LINGO2: variants seen among roughly 807,000 people sequenced by gnomAD.
The protein encoded by LINGO2 is leucine rich repeat and Ig domain containing 2.
LINGO2 carries 14 observed loss-of-function variants against 30.6 expected under a neutral mutation model. That is an observed-to-expected ratio of 0.46 (90% CI 0.30 to 0.72). The LOEUF (loss-of-function observed/expected upper bound fraction) is 0.72. Ranked by LOEUF, LINGO2 falls within the 30% of genes least tolerant of loss-of-function variation. The pLI, the probability that LINGO2 is intolerant of heterozygous loss-of-function variation, is 0.07. For synonymous variants in LINGO2, 317 were observed against 288.5 expected, an observed-to-expected ratio of 1.10 and a Z score of -1.00; for missense variants, 729 against 751.7, an observed-to-expected ratio of 0.97 and a Z score of 0.35.
chr9:28,926,239 G>A, the LINGO2 span, among the ~76,000 whole-genome samples: 1 of 152,172 alleles, frequency 6.6e-6, no homozygotes, highest in Non-Finnish European at 1.5e-5. Flanking sequence ...GCTTGAACCT[G>A]AGAGGCAGAG....
At chr9:28,467,945 T>C (rs777907522) in intron 2 of LINGO2, among the ~76,000 whole-genome samples, 1 of 152,172 alleles carries the variant, frequency 6.6e-6, no homozygotes, top group Non-Finnish European at 1.5e-5. Context: ...CAAAATAATA[T>C]ACAAAATATA....
chr9:28,712,400 T>C, the LINGO2 span, among the ~76,000 whole-genome samples: 3 of 151,784 alleles, frequency 2.0e-5, 1 homozygote, highest in Non-Finnish European at 4.4e-5. Context: ...AACATAGTTT[T>C]ACAAAGCATC....
rs566443978 is a variant in LINGO2, at chr9:28,545,352, C to T, written c.-364-69327G>A. Among the ~76,000 whole-genome samples the T allele has an allele frequency of 5.3e-5, 8 of 152,030 alleles. No individual in the cohort carries two copies. In the South Asian group the frequency reaches 1.5e-3, roughly 28 times the overall value. On this transcript the variant is annotated intron_variant, in intron 1 of 5. Transcript: ENST00000379992. ...TACTAAAGAGCATTGTGAATTTCTA[C>T]CTAAAGACATTTCTGTTCAATTTTT...
the LINGO2 span, among the ~76,000 whole-genome samples, chr9:28,884,040 T>A: frequency 6.6e-6 from 1 of 152,128 alleles, no homozygotes; most frequent in Non-Finnish European, 1.5e-5. Flanking sequence ...CATTAAATGT[T>A]AATTCCATAC....
chr9:28,808,616 G>T, the LINGO2 span, among the ~76,000 whole-genome samples: 1 of 152,168 alleles, frequency 6.6e-6, no homozygotes, highest in Non-Finnish European at 1.5e-5. Context: ...TTCATTCCAT[G>T]TGGCAGACTC....
chr9:28,668,563 T>C (rs1828891750), intron 1 of LINGO2, among the ~76,000 whole-genome samples: 1 of 152,054 alleles, frequency 6.6e-6, no homozygotes, highest in African/African-American at 2.4e-5. Context: ...AAAAACCTCC[T>C]AACTATACGC....
chr9:28,737,244 C>T, the LINGO2 span, among the ~76,000 whole-genome samples: 1 of 152,208 alleles, frequency 6.6e-6, no homozygotes, highest in African/African-American at 2.4e-5. Context: ...TCCCCAGTCA[C>T]TCCAGTCATC....
intron 1 of LINGO2, among the ~76,000 whole-genome samples, chr9:28,605,047 C>T (rs1305018912): frequency 6.6e-6 from 1 of 151,830 alleles, no homozygotes. Context: ...AAGTTCTTAG[C>T]CACTAAACTT....
chr9:29,104,949 G>T, the LINGO2 span, among the ~76,000 whole-genome samples: 1 of 152,158 alleles, frequency 6.6e-6, no homozygotes, highest in Non-Finnish European at 1.5e-5. Flanking sequence ...TAGGTTTACA[G>T]CCTCATTCTG....
intron 3 of LINGO2, among the ~76,000 whole-genome samples, chr9:28,323,091 A>T (rs968564069): frequency 6.6e-6 from 1 of 152,186 alleles, no homozygotes. Context: ...AATCTGGTGT[A>T]TAAAAATAGT....
At chr9:28,162,397 T>G (rs1385420025) in intron 4 of LINGO2, among the ~76,000 whole-genome samples, 2 of 152,054 alleles carry the variant, frequency 1.3e-5, no homozygotes, top group Non-Finnish European at 2.9e-5. Flanking sequence ...GGGTGAAAAA[T>G]CACAGGGAAA....
At chr9:28,687,949 G>A in the LINGO2 span, among the ~76,000 whole-genome samples, 3 of 152,110 alleles carry the variant, frequency 2.0e-5, no homozygotes, top group South Asian at 6.2e-4. Context: ...CTGTGAATGG[G>A]AAAGAGGAGA....
intron 5 of LINGO2, among the ~76,000 whole-genome samples, chr9:27,994,918 C>G (rs1821582514): frequency 6.6e-6 from 1 of 152,092 alleles, no homozygotes; most frequent in South Asian, 2.1e-4. Flanking sequence ...GTCTCTCTCT[C>G]AATAAACTCT....
chr9:28,790,325 C>CTTTCTTTCTT, the LINGO2 span, among the ~76,000 whole-genome samples: 3 of 106,300 alleles, frequency 2.8e-5, no homozygotes, highest in Admixed American at 1.1e-4. Context: ...TCTTTTCTTT[C>CTTTCTTTCTT]TTTTTTTTTT....
At chr9:28,277,630 C>A (rs1008824110) in intron 4 of LINGO2, among the ~76,000 whole-genome samples, 8 of 151,904 alleles carry the variant, frequency 5.3e-5, no homozygotes, top group African/African-American at 9.7e-5. Context: ...ATGGTGAAAC[C>A]CTGTCTCTAC....
chr9:28,692,385 G>T, the LINGO2 span, among the ~76,000 whole-genome samples: 1 of 152,142 alleles, frequency 6.6e-6, no homozygotes, highest in Non-Finnish European at 1.5e-5. Flanking sequence ...TGAGGCAGGA[G>T]AGTCGCTTGA....
At chr9:29,145,802 A>C in the LINGO2 span, among the ~76,000 whole-genome samples, 1 of 152,192 alleles carries the variant, frequency 6.6e-6, no homozygotes, top group Non-Finnish European at 1.5e-5. Context: ...TTGAAAAGTA[A>C]GTTTCTTCAT....
intron 4 of LINGO2, among the ~76,000 whole-genome samples, chr9:28,200,674 TTAATTG>T (rs1181053360): frequency 2.0e-5 from 3 of 152,174 alleles, no homozygotes; most frequent in African/African-American, 7.2e-5. Flanking sequence ...GTTGAATATT[TTAATTG>T]TAATAGGGCT....
chr9:28,954,369 C>T, the LINGO2 span, among the ~76,000 whole-genome samples: 4 of 152,130 alleles, frequency 2.6e-5, no homozygotes, highest in Non-Finnish European at 5.9e-5. Context: ...GCATACTTCA[C>T]ATTTCATCAC....
Sources: allele counts gnomAD v4.1 joint callset (sites outside exome capture counted in the v4.1 genomes callset), GRCh38; gene constraint gnomAD v4.1.1; transcripts MANE v1.5; gene names NCBI Gene and HGNC (gene_info 2026-07-23, HGNC 2026-07-21).